MCTP1: variants seen among roughly 807,000 people sequenced by gnomAD.
MCTP1 encodes the protein multiple C2 and transmembrane domain containing 1, also known as multiple C2 and transmembrane domain-containing protein 1.
A neutral mutation model predicts 120.6 loss-of-function variants in MCTP1; 69 were observed. That is an observed-to-expected ratio of 0.57 (90% CI 0.47 to 0.70). MCTP1 has a LOEUF of 0.70. Ranked by LOEUF, MCTP1 falls within the 30% of genes least tolerant of loss-of-function variation. The pLI, the probability that MCTP1 is intolerant of heterozygous loss-of-function variation, is 0.00. For synonymous variants in MCTP1, 529 were observed against 493.1 expected (o/e 1.07, Z -0.96); for missense variants, 1,203 against 1,248.8 (o/e 0.96, Z 0.55).
At chr5:95,123,292 CT>C (rs1412065150) in intron 1 of MCTP1, among the ~76,000 whole-genome samples, 1 of 151,192 alleles carries the variant, frequency 6.6e-6, no homozygotes, top group African/African-American at 2.4e-5. Flanking sequence ...GCTAGCACAA[CT>C]AAAAAAAAAT....
intron 12 of MCTP1, among the ~76,000 whole-genome samples, chr5:94,877,069 C>T (rs1300301312): frequency 1.3e-5 from 2 of 151,802 alleles, no homozygotes; most frequent in Non-Finnish European, 2.9e-5. Flanking sequence ...AGGAGGCATG[C>T]TATTCTATAA....
intron 17 of MCTP1, among the ~76,000 whole-genome samples, chr5:94,802,708 G>A (rs535230408): frequency 6.6e-6 from 1 of 152,146 alleles, no homozygotes; most frequent in Non-Finnish European, 1.5e-5. Context: ...GGGGAAACGA[G>A]AGATACAATA....
intron 1 of MCTP1, among the ~76,000 whole-genome samples, chr5:95,155,972 G>A (rs1582388354): frequency 6.6e-6 from 1 of 152,198 alleles, no homozygotes; most frequent in East Asian, 1.9e-4. Flanking sequence ...ATTGTAAGGT[G>A]GCCACATGGC....
intron 1 of MCTP1, among the ~76,000 whole-genome samples, chr5:95,054,186 C>T (rs950557157): frequency 1.3e-5 from 2 of 152,176 alleles, no homozygotes; most frequent in African/African-American, 4.8e-5. Flanking sequence ...AGAAGAGAAC[C>T]GTGAGGGCCC....
At chr5:95,268,004 G>T (rs1272818196) in intron 1 of MCTP1, among the ~76,000 whole-genome samples, 1 of 152,186 alleles carries the variant, frequency 6.6e-6, no homozygotes. Flanking sequence ...ATTTTCATTC[G>T]ATCCTAAATG....
At chr5:94,737,739 G>A (rs970771164) in intron 19 of MCTP1, among the ~76,000 whole-genome samples, 6 of 152,150 alleles carry the variant, frequency 3.9e-5, no homozygotes, top group African/African-American at 1.2e-4. Flanking sequence ...CCCGTGGTGC[G>A]ATCTTGGCTC....
intron 3 of MCTP1, among the ~76,000 whole-genome samples, chr5:94,949,623 T>C (rs10866761): frequency 0.36 from 54,731 of 151,872 alleles, 10,090 homozygotes; most frequent in African/African-American, 0.39. Flanking sequence ...CTTTCATAAC[T>C]TTGGCTCAGA....
At chr5:95,270,680 A>C (rs1290426790) in intron 1 of MCTP1, among the ~76,000 whole-genome samples, 2 of 152,128 alleles carry the variant, frequency 1.3e-5, no homozygotes, top group African/African-American at 4.8e-5. Flanking sequence ...CTGTAATCCC[A>C]GTACTTTGGG....
chr5:95,001,380 G>A (rs528807961), intron 2 of MCTP1, among the ~76,000 whole-genome samples: 35 of 152,272 alleles, frequency 2.3e-4, no homozygotes, highest in African/African-American at 6.5e-4. Context: ...GGAGGGCTCC[G>A]AAGAAGACAG....
chr5:95,118,632 G>A (rs747892602), intron 1 of MCTP1, among the ~76,000 whole-genome samples: 24 of 152,154 alleles, frequency 1.6e-4, no homozygotes, highest in Non-Finnish European at 2.9e-4. Flanking sequence ...ATGATCCGTT[G>A]CCTACAAGAA....
At chr5:94,934,930 A>G (rs569995046) in intron 5 of MCTP1, among the ~76,000 whole-genome samples, 19 of 152,036 alleles carry the variant, frequency 1.2e-4, no homozygotes, top group African/African-American at 4.1e-4. Context: ...CTCTGCTAGA[A>G]AAAGAGCCAG....
chr5:95,159,656 G>A (rs1477167275), intron 1 of MCTP1, among the ~76,000 whole-genome samples: 5 of 151,614 alleles, frequency 3.3e-5, no homozygotes, highest in Admixed American at 3.3e-4. Context: ...CAGTGTATCA[G>A]AATTTCTGAA....
intron 17 of MCTP1, among the ~76,000 whole-genome samples, chr5:94,817,859 C>G (rs1000443200): frequency 1.3e-5 from 2 of 152,154 alleles, no homozygotes; most frequent in African/African-American, 4.8e-5. Flanking sequence ...TTCTGTTCAG[C>G]ACTCTGATTT....
chr5:94,829,059 C>T (rs182152625), intron 17 of MCTP1, among the ~76,000 whole-genome samples: 3 of 152,278 alleles, frequency 2.0e-5, no homozygotes, highest in East Asian at 1.9e-4. Flanking sequence ...CCCAAATGGC[C>T]GCCTAGTTTT....
intron 1 of MCTP1, among the ~76,000 whole-genome samples, chr5:95,223,483 A>G (rs1427155197): frequency 2.6e-5 from 4 of 152,050 alleles, no homozygotes; most frequent in Non-Finnish European, 5.9e-5. Context: ...AAATAAAATA[A>G]AACAAAATAA....
intron 17 of MCTP1, chr5:94,867,238 G>A (rs1341738332): frequency 1.5e-5 from 22 of 1,444,856 alleles, no homozygotes; most frequent in Non-Finnish European, 1.8e-5. Flanking sequence ...AAAACTTAAC[G>A]ATAATGACAA....
chr5:95,229,868 G>A (rs1754720908), intron 1 of MCTP1, among the ~76,000 whole-genome samples: 1 of 152,038 alleles, frequency 6.6e-6, no homozygotes, highest in Admixed American at 6.5e-5. Flanking sequence ...AAAGTCCCTG[G>A]GAAAAGATTT....
chr5:94,849,309 T>A (rs1034794240), intron 17 of MCTP1, among the ~76,000 whole-genome samples: 23 of 152,204 alleles, frequency 1.5e-4, no homozygotes, highest in African/African-American at 5.5e-4. Flanking sequence ...GGTATTTCAA[T>A]AGTAATAACA....
chr5:95,169,603 C>A lies in MCTP1; in HGVS notation c.720+114253G>T, dbSNP rs190928699. On this transcript the variant is annotated intron_variant, in intron 1 of 22. Coordinates refer to ENST00000515393, the MANE Select transcript of MCTP1 (RefSeq NM_024717.7). ...GTTATTGGTCTATTCAGGAATTCAA[C>A]TTCTTCCTGGTTTAGTCTTGGGAGG... is the stretch of plus-strand genomic sequence containing the variant. Among the ~76,000 whole-genome samples, 393 of 152,286 alleles carry A rather than the reference C, an allele frequency of 2.6e-3. 2 individuals carry two copies. Among genetic ancestry groups the A allele is most frequent in the African/African-American group, 9.1e-3 (378 of 41,550 alleles).
Sources: allele counts gnomAD v4.1 joint callset (sites outside exome capture counted in the v4.1 genomes callset), GRCh38; gene constraint gnomAD v4.1.1; transcripts MANE v1.5; gene names NCBI Gene and HGNC (gene_info 2026-07-23, HGNC 2026-07-21).